EYS: variants seen among roughly 807,000 people sequenced by gnomAD.
The protein encoded by EYS is protein eyes shut homolog.
EYS carries 250 observed loss-of-function variants against 282.1 expected under a neutral mutation model. The ratio of observed to expected loss-of-function variants is 0.89; its 90% CI spans 0.80 to 0.98. The LOEUF (loss-of-function observed/expected upper bound fraction) is 0.98. Ranked by LOEUF, EYS falls within the 50% of genes least tolerant of loss-of-function variation. The pLI is 0.00. For missense variants in EYS, 4,016 were observed against 3,709.0 expected (o/e 1.08, Z -2.15); for synonymous variants, 1,355 against 1,282.9 (o/e 1.06, Z -1.20).
chr6:64,507,939 C>G (rs992009686), intron 26 of EYS, among the ~76,000 whole-genome samples: 1 of 152,104 alleles, frequency 6.6e-6, no homozygotes, highest in Admixed American at 6.5e-5. Context: ...AAAGCAATAC[C>G]AAGGGCTTTG....
chr6:65,089,015 G>T (rs1774469019), intron 12 of EYS, among the ~76,000 whole-genome samples: 1 of 152,162 alleles, frequency 6.6e-6, no homozygotes, highest in Non-Finnish European at 1.5e-5. Flanking sequence ...ACTGAGGTTT[G>T]GGAACCTCTA....
chr6:64,469,070 A>C (rs1194095409), intron 26 of EYS, among the ~76,000 whole-genome samples: 1 of 152,206 alleles, frequency 6.6e-6, no homozygotes, highest in Non-Finnish European at 1.5e-5. Context: ...AGAAATTGCC[A>C]AACTGGTTTC....
At chr6:64,097,707 A>G (rs1189346451) in intron 31 of EYS, among the ~76,000 whole-genome samples, 1 of 152,168 alleles carries the variant, frequency 6.6e-6, no homozygotes, top group Non-Finnish European at 1.5e-5. Context: ...TTCCCAGGTG[A>G]GGTGATACCT....
chr6:65,294,717 T>C (rs765027011), intron 12 of EYS, among the ~76,000 whole-genome samples: 17 of 151,914 alleles, frequency 1.1e-4, no homozygotes, highest in South Asian at 6.2e-4. Context: ...ATTCATTCTT[T>C]ATTTTATGTA....
intron 29 of EYS, among the ~76,000 whole-genome samples, chr6:64,346,191 C>T (rs1771385638): frequency 6.6e-6 from 1 of 152,022 alleles, no homozygotes; most frequent in Admixed American, 6.6e-5. Flanking sequence ...ACCCAGCCAT[C>T]CCATTACTGG....
intron 31 of EYS, among the ~76,000 whole-genome samples, chr6:64,097,361 C>T (rs1341487922): frequency 6.6e-6 from 1 of 152,196 alleles, no homozygotes; most frequent in Non-Finnish European, 1.5e-5. Flanking sequence ...GTAGAGTCTA[C>T]AGAGGAAGGC....
At chr6:65,693,150 C>T (rs1490381296) in intron 1 of EYS, among the ~76,000 whole-genome samples, 2 of 149,754 alleles carry the variant, frequency 1.3e-5, no homozygotes, top group Non-Finnish European at 3.0e-5. Context: ...CGCTTCCTTC[C>T]TTTCTTCCTA....
chr6:64,851,848 C>T (rs192381262), intron 19 of EYS, among the ~76,000 whole-genome samples: 53 of 152,062 alleles, frequency 3.5e-4, no homozygotes, highest in Non-Finnish European at 6.8e-4. Context: ...CTAATGACTA[C>T]TAGGCTTAAT....
intron 14 of EYS, among the ~76,000 whole-genome samples, chr6:64,984,761 G>A (rs532959617): frequency 6.6e-6 from 1 of 151,334 alleles, no homozygotes; most frequent in Non-Finnish European, 1.5e-5. Flanking sequence ...TCTTCTTAGT[G>A]AACTTATTTC....
At chr6:64,206,352 T>C (rs1765607525) in intron 31 of EYS, among the ~76,000 whole-genome samples, 1 of 152,178 alleles carries the variant, frequency 6.6e-6, no homozygotes, top group South Asian at 2.1e-4. Flanking sequence ...CTTCACTGGT[T>C]TTCCCAAGGG....
chr6:65,348,562 A>T (rs1415221630), intron 9 of EYS, among the ~76,000 whole-genome samples: 1 of 151,662 alleles, frequency 6.6e-6, no homozygotes, highest in Non-Finnish European at 1.5e-5. Flanking sequence ...ATTTCTAAAA[A>T]TCATATTATT....
At chr6:65,251,471 A>G (rs1767322444) in intron 12 of EYS, among the ~76,000 whole-genome samples, 1 of 151,944 alleles carries the variant, frequency 6.6e-6, no homozygotes, top group Non-Finnish European at 1.5e-5. Context: ...AAAAACAACA[A>G]AAATGAAATC....
intron 5 of EYS, among the ~76,000 whole-genome samples, chr6:65,475,462 A>C (rs1765365671): frequency 6.6e-6 from 1 of 152,144 alleles, no homozygotes; most frequent in Admixed American, 6.6e-5. Flanking sequence ...CTAAATTTAC[A>C]CATAATGCTA....
intron 15 of EYS, among the ~76,000 whole-genome samples, chr6:64,939,170 A>T (rs1769008696): frequency 6.6e-6 from 1 of 151,896 alleles, no homozygotes. Context: ...CAATATGAAT[A>T]TAATGTTCAT....
At chr6:64,611,086 T>C (rs905919442) in intron 24 of EYS, among the ~76,000 whole-genome samples, 3 of 152,306 alleles carry the variant, frequency 2.0e-5, no homozygotes, top group Admixed American at 2.0e-4. Context: ...GTAGATTTCA[T>C]AAAAGCTAGG....
intron 8 of EYS, among the ~76,000 whole-genome samples, chr6:65,359,196 C>T (rs1243238366): frequency 6.6e-6 from 1 of 151,958 alleles, no homozygotes; most frequent in Non-Finnish European, 1.5e-5. Flanking sequence ...AAGAAATTGT[C>T]TATAAAAAGG....
At chr6:65,516,947 A>G (rs1250191810) in intron 2 of EYS, among the ~76,000 whole-genome samples, 1 of 152,040 alleles carries the variant, frequency 6.6e-6, no homozygotes, top group African/African-American at 2.4e-5. Flanking sequence ...CTTTTCAACT[A>G]TGACACTGTA....
chr6:64,083,201 G>T (rs967012476), intron 31 of EYS, among the ~76,000 whole-genome samples: 2 of 152,134 alleles, frequency 1.3e-5, no homozygotes, highest in African/African-American at 4.8e-5. Flanking sequence ...GAGCCACCAT[G>T]CCCAGCCAAC....
At chr6:65,480,192 T>C (rs1283362464) in intron 5 of EYS, among the ~76,000 whole-genome samples, 6 of 151,802 alleles carry the variant, frequency 4.0e-5, no homozygotes, top group Non-Finnish European at 8.8e-5. Context: ...AATTAATTAA[T>C]TAAAAGGCAA....
Sources: allele counts gnomAD v4.1 joint callset (sites outside exome capture counted in the v4.1 genomes callset), GRCh38; gene constraint gnomAD v4.1.1; transcripts MANE v1.5; gene names NCBI Gene and HGNC (gene_info 2026-07-23, HGNC 2026-07-21).